Variants in CACNA2D1 observed in about 807,000 individuals in gnomAD.
CACNA2D1 encodes the protein calcium voltage-gated channel auxiliary subunit alpha2delta 1.
CACNA2D1 carries 53 observed loss-of-function variants against 171.5 expected under a neutral mutation model. The observed-to-expected ratio is 0.31, with a 90% CI of 0.25 to 0.39. The LOEUF is 0.39. CACNA2D1 is among the 10% of genes least tolerant of loss of function. CACNA2D1 has a pLI of 1.00. For missense variants in CACNA2D1, 903 were observed against 1,299.8 expected, an observed-to-expected ratio of 0.69 and a Z score of 4.69; for synonymous variants, 442 against 443.1, an observed-to-expected ratio of 1.00 and a Z score of 0.03.
chr7:82,289,113 C>G (rs952183391), intron 3 of CACNA2D1, among the ~76,000 whole-genome samples: 2 of 152,050 alleles, frequency 1.3e-5, no homozygotes, highest in African/African-American at 4.8e-5. Context: ...CTTTATAAAA[C>G]AGAAAATGAA....
intron 6 of CACNA2D1, among the ~76,000 whole-genome samples, chr7:82,095,367 A>G (rs557879866): frequency 6.6e-6 from 1 of 152,152 alleles, no homozygotes; most frequent in Admixed American, 6.5e-5. Flanking sequence ...ACGTTTCACT[A>G]TCTTTATGTG....
intron 1 of CACNA2D1, among the ~76,000 whole-genome samples, chr7:82,381,165 T>C (rs1342224554): frequency 1.3e-5 from 2 of 151,662 alleles, no homozygotes; most frequent in African/African-American, 4.8e-5. Context: ...GCAAAAACAA[T>C]TAACTGGCCG....
At chr7:82,040,931 C>T (rs377120602) in intron 10 of CACNA2D1, among the ~76,000 whole-genome samples, 23 of 152,094 alleles carry the variant, frequency 1.5e-4, no homozygotes, top group East Asian at 1.4e-3. Flanking sequence ...GCCAAGATCA[C>T]GCCATTGCAC....
chr7:82,242,300 A>G (rs1201561293), intron 3 of CACNA2D1, among the ~76,000 whole-genome samples: 1 of 152,140 alleles, frequency 6.6e-6, no homozygotes, highest in Non-Finnish European at 1.5e-5. Flanking sequence ...ATTTTAATCA[A>G]TTCTCTAGCC....
At chr7:82,118,681 C>G (rs1462669942) in intron 5 of CACNA2D1, among the ~76,000 whole-genome samples, 1 of 152,036 alleles carries the variant, frequency 6.6e-6, no homozygotes, top group Admixed American at 6.5e-5. Context: ...TCACACTTAA[C>G]AATTAGCAGT....
At position 82,005,765 on chromosome 7, in the gene CACNA2D1, T is replaced by C. The variant is rs1369924027; in HGVS notation, c.1515A>G (p.Thr505=). 1.3e-6 allele frequency: 2 copies of C among 1,579,864 alleles called. No individual in the cohort carries two copies. The highest frequency in any genetic ancestry group is 2.7e-5 in the African/African-American group (2 of 74,230). Residue 505 remains threonine (T), a splice_region_variant and synonymous_variant, in exon 17 of 39, where the codon ACA becomes ACG. Transcript: ENST00000356860. ...ATCAAAAGAGCAAATTTCATCTTAC[T>C]GTAAAACGTGGTGTCAGTCTTTTAA... ...EDIKRLTPRF[T]LCPNGYYFAI...
chr7:82,315,685 A>T (rs1815030184), intron 3 of CACNA2D1, among the ~76,000 whole-genome samples: 1 of 152,198 alleles, frequency 6.6e-6, no homozygotes, highest in Admixed American at 6.5e-5. Context: ...CATGCAAATT[A>T]AAAATGTCAT....
intron 3 of CACNA2D1, among the ~76,000 whole-genome samples, chr7:82,170,837 A>T (rs1795944928): frequency 1.3e-5 from 2 of 151,992 alleles, no homozygotes; most frequent in African/African-American, 4.8e-5. Context: ...AATACCATTA[A>T]GTTTGTTACC....
chr7:82,274,941 G>A (rs1219178588), intron 3 of CACNA2D1, among the ~76,000 whole-genome samples: 1 of 151,990 alleles, frequency 6.6e-6, no homozygotes, highest in Non-Finnish European at 1.5e-5. Flanking sequence ...TAACTTAAAG[G>A]AATAAAATAA....
chr7:82,074,788 G>C (rs1213059147), intron 7 of CACNA2D1, among the ~76,000 whole-genome samples: 1 of 152,082 alleles, frequency 6.6e-6, no homozygotes, highest in Admixed American at 6.5e-5. Flanking sequence ...TCTGGGCAGT[G>C]AGTCTCGGTA....
chr7:82,396,622 T>G (rs1825784124), intron 1 of CACNA2D1, among the ~76,000 whole-genome samples: 1 of 152,208 alleles, frequency 6.6e-6, no homozygotes, highest in Non-Finnish European at 1.5e-5. Flanking sequence ...TGCCCCTCAC[T>G]TCTATTCACT....
intron 1 of CACNA2D1, among the ~76,000 whole-genome samples, chr7:82,369,924 A>C (rs976700784): frequency 1.3e-5 from 2 of 152,140 alleles, no homozygotes; most frequent in Non-Finnish European, 2.9e-5. Context: ...TTGTAATGTA[A>C]TCCTGTAAAT....
At position 82,350,257 on chromosome 7, in the gene CACNA2D1, A is replaced by G. The variant is rs536114177; in HGVS notation, c.96-608T>C. On this transcript the variant is annotated intron_variant, in intron 1 of 38. Transcript: ENST00000356860. ...CCACTTAATATTCCATTATCTCTAT[A>G]TTCCATAATATACTTGATTATCCTC... is the stretch of plus-strand genomic sequence containing the variant. Among the ~76,000 whole-genome samples, 3 of 152,298 alleles carry G rather than the reference A, an allele frequency of 2.0e-5. No homozygotes were observed. The East Asian group carries it at 5.8e-4, about 29-fold the overall frequency.
chr7:82,394,938 A>AT (rs79015565), intron 1 of CACNA2D1, among the ~76,000 whole-genome samples: 1 of 151,982 alleles, frequency 6.6e-6, no homozygotes, highest in East Asian at 1.9e-4. Context: ...CAGCTTCATT[A>AT]TTTTTTTATA....
chr7:82,139,910 T>A (rs1792143830), intron 4 of CACNA2D1, among the ~76,000 whole-genome samples: 2 of 151,028 alleles, frequency 1.3e-5, no homozygotes, highest in South Asian at 4.2e-4. Context: ...TCAGCCTTCC[T>A]AGCTGGAATT....
In CACNA2D1 at chr7:82,196,837, G is replaced by A. The variant is rs145891315; in HGVS notation, c.295-26228C>T. ...GTACATTTTTTTTTTTTATATATGT[G>A]AATAGAGGATGGTTGCCTTAAAATG... On this transcript the variant is annotated intron_variant, in intron 3 of 38. Coordinates refer to ENST00000356860, the MANE Select transcript of CACNA2D1 (RefSeq NM_000722.4). 8.9e-3 allele frequency among the ~76,000 whole-genome samples: 1,348 copies of A among 151,760 alleles called. 17 individuals are homozygous for A. Among genetic ancestry groups the A allele is most frequent in the Middle Eastern group, 0.034 (10 of 294 alleles).
chr7:81,960,049 T>C (rs1054523321), intron 36 of CACNA2D1, among the ~76,000 whole-genome samples: 4 of 152,082 alleles, frequency 2.6e-5, no homozygotes, highest in Non-Finnish European at 5.9e-5. Context: ...TTGCAATATA[T>C]GTTTTATGTG....
At chr7:82,411,539 G>T (rs746829839) in intron 1 of CACNA2D1, among the ~76,000 whole-genome samples, 47 of 152,058 alleles carry the variant, frequency 3.1e-4, no homozygotes, top group Admixed American at 5.2e-4. Context: ...TGATTCAAAA[G>T]ATAAAGAAGT....
intron 1 of CACNA2D1, among the ~76,000 whole-genome samples, chr7:82,415,810 A>T (rs770863012): frequency 2.7e-4 from 41 of 152,192 alleles, no homozygotes; most frequent in Non-Finnish European, 4.7e-4. Context: ...AGCAAGATGG[A>T]TGAATCAGTG....
Sources: allele counts gnomAD v4.1 joint callset (sites outside exome capture counted in the v4.1 genomes callset), GRCh38; gene constraint gnomAD v4.1.1; transcripts MANE v1.5; gene names NCBI Gene and HGNC (gene_info 2026-07-23, HGNC 2026-07-21).